DMD: variants seen among roughly 807,000 people sequenced by gnomAD.
The protein encoded by DMD is dystrophin, also known as mutant dystrophin.
A neutral mutation model predicts 330.1 loss-of-function variants in DMD; 63 were observed. The observed-to-expected ratio is 0.19, with a 90% CI of 0.16 to 0.24. DMD has a LOEUF of 0.24. DMD is among the 10% of genes least tolerant of loss of function. The pLI, the probability that DMD is intolerant of heterozygous loss-of-function variation, is 1.00. For synonymous variants in DMD, 1,223 were observed against 959.8 expected, an observed-to-expected ratio of 1.27 and a Z score of -5.07; for missense variants, 3,344 against 2,684.1, an observed-to-expected ratio of 1.25 and a Z score of -5.43.
chrX:32,697,937 C>T lies in DMD; in HGVS notation c.893G>A (p.Ser298Asn). Residue 298 changes from serine (S) to asparagine (N), a missense_variant, in exon 9 of 79, where the codon AGC (serine) becomes AAC (asparagine). Physicochemically the swap from Ser to Asn is conservative, Grantham distance 46. Coordinates refer to ENST00000357033, the MANE Select transcript of DMD (RefSeq NM_004006.3). ...RTSSPKPRFK[S>N]YAYTQAAYVT... ...ATAAGCAGCCTGTGTGTAGGCATAG[C>T]TCTTGAATCGAGGCTTAGGGGAAGA... The T allele has an allele frequency of 8.3e-7, 1 of 1,207,623 alleles. No homozygotes were observed. The highest frequency in any genetic ancestry group is 1.1e-6 in the Non-Finnish European group (1 of 893,582).
intron 64 of DMD, among the ~76,000 whole-genome samples, chrX:31,221,756 C>T (rs142969235): frequency 0.082 from 9,244 of 112,757 alleles, 888 homozygotes; most frequent in African/African-American, 0.28. Context: ...TCCATCAGAG[C>T]AGAAACTGTG....
intron 59 of DMD, among the ~76,000 whole-genome samples, chrX:31,452,625 G>A (rs1019990769): frequency 1.8e-5 from 2 of 111,690 alleles, no homozygotes; most frequent in Admixed American, 1.9e-4. Context: ...TTACAATATC[G>A]AAAAAGAATA....
intron 68 of DMD, among the ~76,000 whole-genome samples, chrX:31,181,923 C>T (rs1403188774): frequency 4.5e-5 from 5 of 111,845 alleles, no homozygotes; most frequent in African/African-American, 1.3e-4. Flanking sequence ...TTAAGGACAT[C>T]GCAGTTTCAG....
At chrX:33,070,667 CTCTCTCTA>C (rs1301665683) in intron 1 of DMD, among the ~76,000 whole-genome samples, 4 of 46,114 alleles carry the variant, frequency 8.7e-5, no homozygotes, top group African/African-American at 1.8e-4. Context: ...CTCTCTCTCT[CTCTCTCTA>C]TATATATATA....
chrX:31,446,819 ACGTG>A (rs1478766705), intron 59 of DMD, among the ~76,000 whole-genome samples: 1 of 112,285 alleles, frequency 8.9e-6, no homozygotes, highest in Non-Finnish European at 1.9e-5. Flanking sequence ...CTGGATAATA[ACGTG>A]CATTTCTAGT....
rs1557104330 is a variant in DMD at position 32,870,980 on chromosome X, A to AG, written c.94-21161_94-21160insC. ...CAGCAAAAAAAAAAAAAAAAAAAAA[A>AG]AAAAAAAACCACAAAACCCATCATC... On this transcript the variant is annotated intron_variant, in intron 2 of 78. Coordinates refer to ENST00000357033, the MANE Select transcript of DMD (RefSeq NM_004006.3). Among the ~76,000 whole-genome samples the AG allele has an allele frequency of 3.8e-4, 14 of 37,243 alleles. 1 individual carries two copies. The highest frequency in any genetic ancestry group is 1.5e-3 in the South Asian group (1 of 668). The allele number at this position is 37,243 out of a possible 115,157, so 32.3% of individuals were successfully genotyped here.
rs74965499 is a variant in DMD at position 31,609,518 on chromosome X, C to CGTGT, written c.8217+18151_8217+18154dup. ...TCACCTGTGCATGCACGTGTGTGTG[C>CGTGT]GTGTGTGTGTGTGTTTGTGTACACA... On this transcript the variant is annotated intron_variant, in intron 55 of 78. Transcript: ENST00000357033. Among the ~76,000 whole-genome samples the CGTGT allele has an allele frequency of 0.31, 34,275 of 109,470 alleles. 4,394 individuals are homozygous for CGTGT. Among genetic ancestry groups the CGTGT allele is most frequent in the African/African-American group, 0.44 (13,247 of 30,009 alleles).
intron 2 of DMD, among the ~76,000 whole-genome samples, chrX:32,913,777 G>T (rs938573362): frequency 8.9e-6 from 1 of 111,921 alleles, no homozygotes; most frequent in African/African-American, 3.2e-5. Flanking sequence ...CACAGGAGGG[G>T]ACCTGATGTC....
Position 31,299,722 on chromosome X carries a change from G to A in DMD, c.9224+23876C>T, listed in dbSNP as rs1255173855. Among the ~76,000 whole-genome samples, 11 of 100,315 alleles carry A rather than the reference G, an allele frequency of 1.1e-4. No individual in the cohort carries two copies. The East Asian group carries it at 3.6e-3, about 33-fold the overall frequency. The allele number at this position is 100,315 out of a possible 115,157, so 87.1% of individuals were successfully genotyped here. The stretch of plus-strand genomic sequence containing the variant: ...ACCTGGGAGGTGGAGGTTGCAGTGA[G>A]CCGAGATCGCACCACTGCACTCCAG... On this transcript the variant is annotated intron_variant, in intron 62 of 78. Transcript: ENST00000357033.
At chrX:31,811,576 A>C (rs1490183075) in intron 50 of DMD, among the ~76,000 whole-genome samples, 1 of 112,245 alleles carries the variant, frequency 8.9e-6, no homozygotes, top group Non-Finnish European at 1.9e-5. Context: ...ATAGGGTTTA[A>C]AATGGATTTA....
intron 45 of DMD, among the ~76,000 whole-genome samples, chrX:31,964,679 A>C (rs761079909): frequency 1.6e-4 from 18 of 110,005 alleles, no homozygotes; most frequent in Non-Finnish European, 3.0e-4. Context: ...CGAGAGAAAA[A>C]AAGCATATAT....
chrX:32,533,585 A>G (rs1204800859), intron 17 of DMD, among the ~76,000 whole-genome samples: 1 of 112,181 alleles, frequency 8.9e-6, no homozygotes, highest in African/African-American at 3.2e-5. Flanking sequence ...TCTTCATGAC[A>G]GTTTATGCTG....
intron 1 of DMD, among the ~76,000 whole-genome samples, chrX:33,252,616 G>GT (rs1569559189): frequency 9.1e-6 from 1 of 110,260 alleles, no homozygotes; most frequent in Non-Finnish European, 1.9e-5. Context: ...GGGTTGAATG[G>GT]GGGGGGTGAC....
intron 1 of DMD, among the ~76,000 whole-genome samples, chrX:33,222,535 C>T (rs960474830): frequency 8.9e-6 from 1 of 112,227 alleles, no homozygotes; most frequent in Non-Finnish European, 1.9e-5. Flanking sequence ...GCTACAAGTT[C>T]TAGCCAGTGC....
At chrX:32,933,801 AC>A (rs1400800172) in intron 2 of DMD, among the ~76,000 whole-genome samples, 1 of 111,445 alleles carries the variant, frequency 9.0e-6, no homozygotes, top group Non-Finnish European at 1.9e-5. Context: ...CAGACTAAAT[AC>A]CCCCTGGTCC....
intron 47 of DMD, among the ~76,000 whole-genome samples, chrX:31,906,517 G>C (rs188239972): frequency 6.1e-4 from 69 of 112,414 alleles, no homozygotes; most frequent in African/African-American, 2.1e-3. Flanking sequence ...GATTTTGAAA[G>C]TGAAAAGAAT....
In DMD at chrX:32,880,907, G is replaced by A. The variant is rs182160263; in HGVS notation, c.94-31087C>T. 5.3e-5 allele frequency among the ~76,000 whole-genome samples: 6 copies of A among 112,651 alleles called. No homozygotes were observed. In the East Asian group the frequency reaches 1.4e-3, roughly 26 times the overall value. On this transcript the variant is annotated intron_variant, in intron 2 of 78. Transcript: ENST00000357033. The stretch of plus-strand genomic sequence containing the variant: ...TGCGGTGAGCCGATATTGCGCCATC[G>A]CACTCCAGCCTGGGCAACGACAGCA...
intron 55 of DMD, among the ~76,000 whole-genome samples, chrX:31,622,190 G>A (rs1255852960): frequency 9.0e-6 from 1 of 111,077 alleles, no homozygotes; most frequent in Non-Finnish European, 1.9e-5. Context: ...GTCTTAGGAT[G>A]TATGTCTTCA....
chrX:33,070,673 C>CTCTCTCTCTCTCTCTCTCTA (rs1192910156), intron 1 of DMD, among the ~76,000 whole-genome samples: 1 of 35,640 alleles, frequency 2.8e-5, no homozygotes, highest in Non-Finnish European at 4.5e-5. Context: ...CTCTCTCTCT[C>CTCTCTCTCTCTCTCTCTCTA]TATATATATA....
Sources: gnomAD v4.1 joint callset for allele counts (sites outside exome capture counted in the v4.1 genomes callset) on GRCh38, gnomAD v4.1.1 for gene constraint, MANE v1.5 for transcripts, NCBI Gene and HGNC (gene_info 2026-07-23, HGNC 2026-07-21) for gene names.